Variants in RBMS3 observed in about 807,000 individuals in gnomAD.
RBMS3 encodes the protein RNA binding motif single stranded interacting protein 3.
Under a neutral mutation model 66.8 loss-of-function variants are expected in RBMS3, and 27 were observed. The observed-to-expected ratio is 0.40, with a 90% confidence interval of 0.30 to 0.56. The LOEUF (loss-of-function observed/expected upper bound fraction) is 0.56, where lower values mean the gene tolerates loss of function less well. Among genes scored for constraint, RBMS3 ranks in the 20% least tolerant of loss-of-function variants. RBMS3 has a pLI of 0.40. For missense variants in RBMS3, 513 were observed against 549.5 expected, an observed-to-expected ratio of 0.93 and a Z score of 0.66; for synonymous variants, 188 against 183.0, an observed-to-expected ratio of 1.03 and a Z score of -0.22.
intron 2 of RBMS3, among the ~76,000 whole-genome samples, chr3:29,483,752 A>G (rs2043225475): frequency 6.6e-6 from 1 of 152,224 alleles, no homozygotes; most frequent in Admixed American, 6.5e-5. Context: ...TCTAAGACAT[A>G]TAAAAATCAT....
At chr3:29,683,107 C>T (rs761311280) in intron 4 of RBMS3, among the ~76,000 whole-genome samples, 16 of 152,116 alleles carry the variant, frequency 1.1e-4, no homozygotes, top group Non-Finnish European at 2.2e-4. Flanking sequence ...GCTTTGCTTT[C>T]ATTTTTTACT....
chr3:29,441,034 C>T (rs1253838208), intron 2 of RBMS3, among the ~76,000 whole-genome samples: 2 of 151,298 alleles, frequency 1.3e-5, no homozygotes, highest in African/African-American at 2.4e-5. Flanking sequence ...AAAGTTTCCT[C>T]TAATAAGACC....
intron 10 of RBMS3, among the ~76,000 whole-genome samples, chr3:29,930,419 T>C (rs890701306): frequency 1.6e-4 from 24 of 151,980 alleles, no homozygotes; most frequent in Middle Eastern, 3.4e-3. Context: ...GCCTACTTTG[T>C]GTCATTTTTC....
intron 1 of RBMS3, among the ~76,000 whole-genome samples, chr3:29,304,919 A>G (rs961737942): frequency 6.6e-5 from 10 of 151,748 alleles, no homozygotes; most frequent in Non-Finnish European, 1.3e-4. Flanking sequence ...TGATTTCTCT[A>G]CCATAACAAT....
chr3:29,858,805 A>T (rs1458463866), intron 6 of RBMS3, among the ~76,000 whole-genome samples: 1 of 152,184 alleles, frequency 6.6e-6, no homozygotes, highest in Admixed American at 6.5e-5. Context: ...AATTGTTACA[A>T]TTTTTTTAAA....
Position 29,319,600 on chromosome 3 carries a change from T to G in RBMS3, c.75+37844T>G, listed in dbSNP as rs12485903. Among the ~76,000 whole-genome samples, 276 of 152,164 alleles carry G rather than the reference T, an allele frequency of 1.8e-3. 2 individuals carry two copies. Among genetic ancestry groups the G allele is most frequent in the African/African-American group, 6.4e-3 (267 of 41,554 alleles). On this transcript the variant is annotated intron_variant, in intron 1 of 14. Transcript: ENST00000383767. Reference sequence around the variant, plus strand: ...CCTCATTTAATCCTCACCATGTCTATAGATATTATTCTCATCTCCATTTTA... The same window carrying G: ...CCTCATTTAATCCTCACCATGTCTAGAGATATTATTCTCATCTCCATTTTA...
intron 5 of RBMS3, among the ~76,000 whole-genome samples, chr3:29,758,545 T>C (rs1226572079): frequency 6.6e-5 from 10 of 152,276 alleles, no homozygotes; most frequent in Non-Finnish European, 1.0e-4. Flanking sequence ...TCAAAATTTC[T>C]GGTTTCTACA....
At chr3:29,880,149 C>A (rs1009544067) in intron 7 of RBMS3, among the ~76,000 whole-genome samples, 6 of 152,050 alleles carry the variant, frequency 3.9e-5, no homozygotes, top group Non-Finnish European at 7.4e-5. Flanking sequence ...TAGTAAAAAT[C>A]CTGTCTGGAA....
At chr3:29,805,942 A>G (rs1474375151) in intron 6 of RBMS3, among the ~76,000 whole-genome samples, 1 of 152,022 alleles carries the variant, frequency 6.6e-6, no homozygotes, top group African/African-American at 2.4e-5. Context: ...AACAACTTTC[A>G]GTTTTGCAAG....
At chr3:29,452,828 G>A (rs1021371006) in intron 2 of RBMS3, among the ~76,000 whole-genome samples, 1 of 152,154 alleles carries the variant, frequency 6.6e-6, no homozygotes, top group African/African-American at 2.4e-5. Flanking sequence ...ATAATAAACA[G>A]AATAAGTTAA....
Position 29,350,161 on chromosome 3 carries a change from G to GAA in RBMS3, c.75+68420_75+68421dup, listed in dbSNP as rs11401285. Among the ~76,000 whole-genome samples, 530 of 136,158 alleles carry GAA rather than the reference G, an allele frequency of 3.9e-3. 2 individuals carry two copies. Among genetic ancestry groups the GAA allele is most frequent in the South Asian group, 9.8e-3 (41 of 4,204 alleles). The allele number at this position is 136,158 out of a possible 152,430, so 89.3% of individuals were successfully genotyped here. A position where few individuals can be genotyped will look rare whatever the true frequency, so the allele number is the denominator to read the frequency against. ...GGCAACAAGAGTAAAAACTCCATCT[G>GAA]AAAAAAAAAAAAAAAATCTAGTTGT... is the stretch of plus-strand genomic sequence containing the variant. On this transcript the variant is annotated intron_variant, in intron 1 of 14. Transcript: ENST00000383767.
intron 4 of RBMS3, 25 bp from the exon 5 acceptor site, chr3:29,739,695 A>G (rs2054548703): frequency 6.4e-7 from 1 of 1,556,140 alleles, no homozygotes; most frequent in Non-Finnish European, 8.7e-7. Flanking sequence ...AGAACTTACC[A>G]TATTTGTTAC....
At chr3:29,676,340 G>A (rs1398317642) in intron 4 of RBMS3, among the ~76,000 whole-genome samples, 1 of 151,900 alleles carries the variant, frequency 6.6e-6, no homozygotes, top group Non-Finnish European at 1.5e-5. Context: ...TGAGTTGATG[G>A]GTACAGCACA....
At chr3:29,625,897 A>C (rs1265094504) in intron 4 of RBMS3, among the ~76,000 whole-genome samples, 2 of 152,072 alleles carry the variant, frequency 1.3e-5, no homozygotes, top group African/African-American at 2.4e-5. Flanking sequence ...AGGTCACCAA[A>C]TTAGTTCATT....
chr3:29,821,055 G>A (rs990757653), intron 6 of RBMS3, among the ~76,000 whole-genome samples: 1 of 152,152 alleles, frequency 6.6e-6, no homozygotes, highest in Non-Finnish European at 1.5e-5. Context: ...GCTTCCTATA[G>A]AAGTGCAAAT....
chr3:29,655,957 A>AC (rs1233403445), intron 4 of RBMS3, among the ~76,000 whole-genome samples: 4 of 148,916 alleles, frequency 2.7e-5, no homozygotes, highest in Non-Finnish European at 4.5e-5. Flanking sequence ...AAAAAAAAAA[A>AC]ATTAGAAATG....
intron 4 of RBMS3, among the ~76,000 whole-genome samples, chr3:29,691,849 A>C (rs1175017335): frequency 6.6e-6 from 1 of 151,906 alleles, no homozygotes; most frequent in Admixed American, 6.6e-5. Context: ...ATTTGCTCCC[A>C]ATAGTTTATG....
chr3:29,669,531 C>G (rs2050905857), intron 4 of RBMS3, among the ~76,000 whole-genome samples: 3 of 152,126 alleles, frequency 2.0e-5, no homozygotes. Flanking sequence ...ATAAAAAAAT[C>G]AGGATATTTT....
chr3:29,367,117 A>G (rs1241014560), intron 1 of RBMS3, among the ~76,000 whole-genome samples: 1 of 152,140 alleles, frequency 6.6e-6, no homozygotes, highest in Non-Finnish European at 1.5e-5. Context: ...TACAGTATTT[A>G]TGGAGAGAAT....
Sources: gnomAD v4.1 joint callset for allele counts (sites outside exome capture counted in the v4.1 genomes callset) on GRCh38, gnomAD v4.1.1 for gene constraint, MANE v1.5 for transcripts, NCBI Gene and HGNC (gene_info 2026-07-23, HGNC 2026-07-21) for gene names.